The following HUWE1 variants were observed in gnomAD, a reference collection of about 807,000 sequenced individuals.
The protein encoded by HUWE1 is E3 ubiquitin-protein ligase HUWE1.
A neutral mutation model predicts 299.4 loss-of-function variants in HUWE1; 18 were observed. The observed-to-expected ratio is 0.06, with a 90% CI of 0.04 to 0.09. The LOEUF (loss-of-function observed/expected upper bound fraction) is 0.09, where lower values mean the gene tolerates loss of function less well. HUWE1 is among the 10% of genes least tolerant of loss of function. The pLI is 1.00. For synonymous variants in HUWE1, 1,317 were observed against 1,286.1 expected, an observed-to-expected ratio of 1.02 and a Z score of -0.51; for missense variants, 1,832 against 3,462.3, an observed-to-expected ratio of 0.53 and a Z score of 11.82.
chrX:53,684,006 G>A (rs868950915), intron 2 of HUWE1: 2 of 294,602 alleles, frequency 6.8e-6, no homozygotes, highest in African/African-American at 2.7e-5. Flanking sequence ...AGCCACCGCC[G>A]CCTCCGCGCG....
chrX:53,542,368 A>G (rs782537711), intron 74 of HUWE1, 75 bp downstream of exon 74: 3 of 682,210 alleles, frequency 4.4e-6, no homozygotes, highest in Non-Finnish European at 7.3e-6. Context: ...ATATGCTGGG[A>G]GCAGGGGATT....
rs1275539231 is a variant in HUWE1 at position 53,568,859 on chromosome X, C to A, written c.6540G>T (p.Met2180Ile). The A allele has an allele frequency of 8.3e-7, 1 of 1,200,256 alleles. No individual in the cohort carries two copies. The highest frequency in any genetic ancestry group is 1.1e-6 in the Non-Finnish European group (1 of 889,552). Residue 2180 changes from methionine to isoleucine, a missense_variant, in exon 49 of 84, where the codon ATG becomes ATT. Physicochemically the swap from Met to Ile is conservative, Grantham distance 10. This residue lies in a region of HUWE1 where 157 missense variants were observed against 252.3 expected (regional missense o/e 0.62). Coordinates refer to ENST00000262854, the MANE Select transcript of HUWE1 (RefSeq NM_031407.7). Reference sequence around the variant, plus strand: ...ACTCCATGATAGTACTGATGATACACATCACTGCCTGAAGCCTGGGAGAGA... The same window carrying A: ...ACTCCATGATAGTACTGATGATACAAATCACTGCCTGAAGCCTGGGAGAGA... The part of the protein sequence containing the change: ...TEKHARLQAV[M>I]CIISTIMESC...
intron 33 of HUWE1, among the ~76,000 whole-genome samples, chrX:53,591,543 GATTGGT>G (rs1252515436): frequency 3.6e-5 from 4 of 111,951 alleles, no homozygotes; most frequent in Non-Finnish European, 5.6e-5. Flanking sequence ...TGTATGTAAG[GATTGGT>G]ACGTAAGGAA....
rs1465616584 is a variant in HUWE1 at position 53,532,583 on chromosome X, C to T, written c.*726G>A. 9.2e-6 allele frequency: 1 copy of T among 108,854 alleles called. No individual in the cohort carries two copies. Among genetic ancestry groups the T allele is most frequent in the Non-Finnish European group, 1.9e-5 (1 of 52,573 alleles). The allele number at this position is 108,854 out of a possible 1,213,427, so 9.0% of individuals were successfully genotyped here. ...AAAAAAAAAAAACAGATGCCCCCAC[C>T]CCCAATTCCTGGTGAACTGCTCATC... On this transcript the variant is annotated 3_prime_UTR_variant, in exon 84 of 84. Transcript: ENST00000262854.
chrX:53,622,215 C>G (rs1829884398), intron 19 of HUWE1, among the ~76,000 whole-genome samples: 1 of 111,389 alleles, frequency 9.0e-6, no homozygotes, highest in African/African-American at 3.3e-5. Context: ...AATGATGCCC[C>G]CCTGTTGAGA....
intron 78 of HUWE1, 87 bp downstream of exon 78, chrX:53,537,469 T>A (rs1313407868): frequency 9.8e-7 from 1 of 1,025,061 alleles, no homozygotes; most frequent in East Asian, 3.2e-5. Context: ...AGCACCTCCC[T>A]AAATTTGAGG....
In HUWE1 at chrX:53,568,686, T is replaced by C. The variant is rs782002122; in HGVS notation, c.6707+6A>G. The C allele has an allele frequency of 1.1e-5, 13 of 1,205,716 alleles. No individual in the cohort carries two copies. In the Admixed American group the frequency reaches 2.6e-4, roughly 24 times the overall value. On this transcript the variant is annotated splice_donor_region_variant and intron_variant, in intron 49 of 83. Coordinates refer to ENST00000262854, the MANE Select transcript of HUWE1 (RefSeq NM_031407.7). ...GGAAAAGCCTGGGGCTGGGGCATGA[T>C]TTTACCTGGACAGGTCTAAGCTGTG...
chrX:53,639,576 C>T (rs782153795), intron 7 of HUWE1, among the ~76,000 whole-genome samples: 20 of 111,179 alleles, frequency 1.8e-4, no homozygotes, highest in African/African-American at 6.5e-4. Flanking sequence ...AACTGAAGGA[C>T]AAAAACACCC....
intron 43 of HUWE1, among the ~76,000 whole-genome samples, chrX:53,577,445 C>G (rs1569461148): frequency 9.9e-6 from 1 of 100,911 alleles, no homozygotes; most frequent in Non-Finnish European, 2.0e-5. Context: ...CATCCCCTTC[C>G]CAACGTTTTA....
At chrX:53,658,244 T>G (rs1436281411) in intron 3 of HUWE1, among the ~76,000 whole-genome samples, 2 of 110,908 alleles carry the variant, frequency 1.8e-5, no homozygotes, top group Non-Finnish European at 3.8e-5. Context: ...TGGAGAGATA[T>G]TCCAAGTCCA....
intron 9 of HUWE1, 117 bp downstream of exon 9, chrX:53,632,370 C>T: frequency 3.6e-6 from 2 of 548,477 alleles, no homozygotes; most frequent in African/African-American, 2.3e-5. Context: ...TTATAGTTTG[C>T]GAGGGCAGCA....
chrX:53,593,786 G>A (rs113075021), intron 31 of HUWE1, among the ~76,000 whole-genome samples, 185 bp from the exon 32 acceptor site: 5 of 111,833 alleles, frequency 4.5e-5, no homozygotes, highest in African/African-American at 1.3e-4. Flanking sequence ...CCTCTCCTCC[G>A]TTACTTTTTA....
chrX:53,538,253 T>C, intron 77 of HUWE1, 84 bp downstream of exon 77: 1 of 646,821 alleles, frequency 1.5e-6, no homozygotes, highest in South Asian at 2.3e-5. Context: ...AGGAAATTTG[T>C]GGCCTCAAGA....
Position 53,550,704 on chromosome X carries a change from A to G in HUWE1, c.9450T>C (p.Gly3150=). The G allele has an allele frequency of 8.3e-7, 1 of 1,211,509 alleles. No individual in the cohort carries two copies. Among genetic ancestry groups the G allele is most frequent in the Non-Finnish European group, 1.1e-6 (1 of 895,392 alleles). Residue 3150 remains glycine, a synonymous_variant, in exon 66 of 84, where the codon GGT becomes GGC. Transcript: ENST00000262854. ...TGCTACCCCCCATCTGGAAGGTGCC[A>G]CCTCTCTGCACAGCAAGGCGAGTAT... The part of the protein sequence containing the change: ...VQYTRLAVQR[G]GTFQMGGSSS...
intron 27 of HUWE1, 61 bp from the exon 28 acceptor site, chrX:53,602,719 T>A: frequency 1.6e-6 from 1 of 607,304 alleles, no homozygotes; most frequent in Non-Finnish European, 2.6e-6. Flanking sequence ...ATAATTCACC[T>A]CTTATATTGT....
At chrX:53,660,328 T>G (rs2068937127) in intron 3 of HUWE1, among the ~76,000 whole-genome samples, 1 of 112,081 alleles carries the variant, frequency 8.9e-6, no homozygotes, top group South Asian at 3.7e-4. Context: ...AAGTCCCAAG[T>G]GTAAGCATTT....
chrX:53,664,605 G>A (rs2069160540), intron 3 of HUWE1, among the ~76,000 whole-genome samples: 1 of 111,994 alleles, frequency 8.9e-6, no homozygotes, highest in Admixed American at 9.5e-5. Flanking sequence ...AGAAATCATG[G>A]AAGCATTACG....
chrX:53,534,982 G>A (rs1335487969), intron 81 of HUWE1, among the ~76,000 whole-genome samples: 3 of 109,052 alleles, frequency 2.8e-5, no homozygotes, highest in African/African-American at 1.0e-4. Context: ...TGTTGCCCAG[G>A]CTGGAGAAGA....
intron 70 of HUWE1, 43 bp from the exon 71 acceptor site, chrX:53,545,204 G>T: frequency 8.4e-7 from 1 of 1,188,990 alleles, no homozygotes; most frequent in South Asian, 1.8e-5. Flanking sequence ...AGACTCCCCT[G>T]GTAAAGTGGC....
Sources: gnomAD v4.1 joint callset for allele counts (sites outside exome capture counted in the v4.1 genomes callset) on GRCh38, gnomAD v4.1.1 for gene constraint, gnomAD v4.1.1 regional missense constraint, MANE v1.5 for transcripts, NCBI Gene and HGNC (gene_info 2026-07-23, HGNC 2026-07-21) for gene names.